Variants in PCYOX1 observed in about 807,000 individuals in gnomAD.
The protein encoded by PCYOX1 is prenylcysteine lyase.
A neutral mutation model predicts 46.4 loss-of-function variants in PCYOX1; 46 were observed. The observed-to-expected ratio is 0.99, with a 90% CI of 0.78 to 1.27. The LOEUF (loss-of-function observed/expected upper bound fraction) is 1.27. Ranked by LOEUF, PCYOX1 falls within the 50% of genes most tolerant of loss-of-function variation. The pLI is 0.00. For synonymous variants in PCYOX1, 220 were observed against 231.8 expected, an observed-to-expected ratio of 0.95 and a Z score of 0.46; for missense variants, 658 against 628.3, an observed-to-expected ratio of 1.05 and a Z score of -0.51.
chr2:70,265,398 C>T (rs928444652), intron 3 of PCYOX1, among the ~76,000 whole-genome samples: 1 of 151,848 alleles, frequency 6.6e-6, no homozygotes, highest in Non-Finnish European at 1.5e-5. Context: ...GCCATGTTGC[C>T]CAAGCTGATC....
intron 3 of PCYOX1, among the ~76,000 whole-genome samples, chr2:70,273,889 C>T (rs1299432813): frequency 6.6e-6 from 1 of 152,304 alleles, no homozygotes; most frequent in East Asian, 1.9e-4. Flanking sequence ...TTTTATGAGG[C>T]TTCTGGAGAT....
At chr2:70,272,993 C>T (rs1488072540) in intron 3 of PCYOX1, among the ~76,000 whole-genome samples, 1 of 152,132 alleles carries the variant, frequency 6.6e-6, no homozygotes, top group Non-Finnish European at 1.5e-5. Flanking sequence ...CCACCATACC[C>T]AGCAGTGTAT....
rs568363433 is a variant in PCYOX1 at position 70,267,277 on chromosome 2, C to T, written c.494+5891C>T. On this transcript the variant is annotated intron_variant, in intron 3 of 5. Coordinates refer to ENST00000433351, the MANE Select transcript of PCYOX1 (RefSeq NM_016297.4). The stretch of plus-strand genomic sequence containing the variant: ...CTCACTTCCTAGACGGGATGACGGC[C>T]GGGAAGAGGCGCTCCTCACTTCCCA... Among the ~76,000 whole-genome samples the T allele has an allele frequency of 1.6e-4, 24 of 149,032 alleles. No homozygotes were observed. The East Asian group carries it at 4.2e-3, about 26-fold the overall frequency.
Position 70,258,200 on chromosome 2 carries a change from G to T in PCYOX1, c.36G>T (p.Leu12=). ...GRVVAELVSS[L]LGLWLLLCSC... ...TCGTCGCGGAGCTCGTCTCCTCGCT[G>T]CTGGGGTTGTGGCTGTTGCTGTGCA... is the stretch of plus-strand genomic sequence containing the variant. The change falls in exon 1 of 6, where the codon CTG becomes CTT. Residue 12 remains leucine (L), a synonymous_variant. Coordinates refer to ENST00000433351, the MANE Select transcript of PCYOX1 (RefSeq NM_016297.4). The T allele has an allele frequency of 1.3e-6, 2 of 1,599,626 alleles. No individual in the cohort carries two copies. The highest frequency in any genetic ancestry group is 2.3e-5 in the East Asian group (1 of 43,884).
At chr2:70,274,386 C>A (rs555768825) in intron 3 of PCYOX1, among the ~76,000 whole-genome samples, 1 of 150,966 alleles carries the variant, frequency 6.6e-6, no homozygotes, top group Non-Finnish European at 1.5e-5. Context: ...TTAGTAGAGA[C>A]GGGGTTTCAC....
chr2:70,267,695 A>G (rs1451902535), intron 3 of PCYOX1, among the ~76,000 whole-genome samples: 2 of 151,016 alleles, frequency 1.3e-5, no homozygotes, highest in African/African-American at 4.9e-5. Context: ...AGGCTGAAGC[A>G]GGAGAATCAG....
intron 3 of PCYOX1, among the ~76,000 whole-genome samples, chr2:70,261,838 G>A (rs568057233): frequency 8.6e-5 from 13 of 150,464 alleles, no homozygotes; most frequent in Non-Finnish European, 1.8e-4. Flanking sequence ...TTGTGTATAT[G>A]AATTGAGATA....
intron 3 of PCYOX1, 33 bp downstream of exon 3, chr2:70,261,419 C>A (rs974722893): frequency 1.8e-5 from 25 of 1,422,568 alleles, no homozygotes; most frequent in Non-Finnish European, 2.2e-5. Flanking sequence ...AACCTAAGAT[C>A]TTTTAATTTA....
At position 70,277,045 on chromosome 2, in the gene PCYOX1, GAA is replaced by G. The variant is rs747599132; in HGVS notation, c.1174_1175del (p.Lys392GlyfsTer4). ...NSIGIVPSVR[E>X]KEDPEPSTDG... is the part of the protein sequence containing the mutation. ...TATTGGGATTGTGCCCTCTGTGAGA[GAA>G]AAGGAAGATCCTGAGCCATCAACAG... On this transcript the variant is annotated frameshift_variant, in exon 6 of 6. Coordinates refer to ENST00000433351, the MANE Select transcript of PCYOX1 (RefSeq NM_016297.4). LOFTEE classifies it high-confidence loss of function. The G allele has an allele frequency of 1.2e-6, 2 of 1,613,840 alleles. No homozygotes were observed. The highest frequency in any genetic ancestry group is 1.7e-6 in the Non-Finnish European group (2 of 1,179,706).
chr2:70,268,516 A>G (rs1235944091), intron 3 of PCYOX1, among the ~76,000 whole-genome samples: 2 of 152,132 alleles, frequency 1.3e-5, no homozygotes, highest in Non-Finnish European at 2.9e-5. Flanking sequence ...CGTAGACCCT[A>G]AAACAATTTG....
In PCYOX1 at chr2:70,276,098, TAAA is replaced by T. The variant is rs568163191; in HGVS notation, c.859+454_859+456del. On this transcript the variant is annotated intron_variant, in intron 5 of 5. Coordinates refer to ENST00000433351, the MANE Select transcript of PCYOX1 (RefSeq NM_016297.4). ...CTGGGTGACGGAGTGAGACTCCATC[TAAA>T]AAAAAAAAAAAAAAAAAAAAATTCC... Among the ~76,000 whole-genome samples the T allele has an allele frequency of 1.2e-3, 125 of 105,432 alleles. 1 individual carries two copies. Among genetic ancestry groups the T allele is most frequent in the South Asian group, 5.0e-3 (17 of 3,376 alleles). The allele number at this position is 105,432 out of a possible 152,430, so 69.2% of individuals were successfully genotyped here.
At chr2:70,270,468 C>A (rs1696586731) in intron 3 of PCYOX1, among the ~76,000 whole-genome samples, 1 of 152,204 alleles carries the variant, frequency 6.6e-6, no homozygotes, top group Non-Finnish European at 1.5e-5. Flanking sequence ...TCCCCAGTAA[C>A]ATTTCTGGCT....
At chr2:70,274,389 G>A (rs1297592412) in intron 3 of PCYOX1, among the ~76,000 whole-genome samples, 1 of 151,346 alleles carries the variant, frequency 6.6e-6, no homozygotes, top group Admixed American at 6.6e-5. Context: ...GTAGAGACGG[G>A]GTTTCACCAT....
At chr2:70,261,409 A>G in intron 3 of PCYOX1, 23 bp downstream of exon 3, 1 of 1,504,476 alleles carries the variant, frequency 6.6e-7, no homozygotes, top group East Asian at 2.3e-5. Flanking sequence ...CCTTCCATTT[A>G]ACCTAAGATC....
chr2:70,261,234 T>C lies in PCYOX1; in HGVS notation c.342T>C (p.Ser114=). 6.2e-7 allele frequency: 1 copy of C among 1,609,824 alleles called. No homozygotes were observed. Among genetic ancestry groups the C allele is most frequent in the Non-Finnish European group, 8.5e-7 (1 of 1,176,060 alleles). ...CAGGTCTCTCTGCTGTTCAGGCCTC[T>C]GGTGGCCTACTGGGGATATATAATG... The part of the protein sequence containing the change: ...KDLGLSAVQA[S]GGLLGIYNGE... Residue 114 remains serine (S), a synonymous_variant, in exon 3 of 6, where the codon TCT becomes TCC. Coordinates refer to ENST00000433351, the MANE Select transcript of PCYOX1 (RefSeq NM_016297.4).
intron 3 of PCYOX1, among the ~76,000 whole-genome samples, chr2:70,264,008 G>A (rs1183935972): frequency 3.3e-4 from 49 of 148,464 alleles, no homozygotes; most frequent in Non-Finnish European, 2.2e-4. Context: ...TGTCACCCAG[G>A]CTGGAGTGCA....
chr2:70,275,414 A>G, intron 4 of PCYOX1, 100 bp from the exon 5 acceptor site: 1 of 1,243,582 alleles, frequency 8.0e-7, no homozygotes, highest in Non-Finnish European at 1.2e-6. Context: ...AGCAATGTCT[A>G]GAGACATTTG....
chr2:70,269,305 C>T (rs192114376), intron 3 of PCYOX1, among the ~76,000 whole-genome samples: 25 of 148,758 alleles, frequency 1.7e-4, no homozygotes, highest in African/African-American at 5.7e-4. Context: ...GTGGCTGGGA[C>T]TACAGATGTG....
chr2:70,271,558 G>A (rs1376095602), intron 3 of PCYOX1, among the ~76,000 whole-genome samples: 7 of 151,954 alleles, frequency 4.6e-5, no homozygotes, highest in Non-Finnish European at 8.8e-5. Context: ...AAAAAACTCA[G>A]CGATAATTTA....
Sources: gnomAD v4.1 joint callset for allele counts (sites outside exome capture counted in the v4.1 genomes callset) on GRCh38, gnomAD v4.1.1 for gene constraint, MANE v1.5 for transcripts, NCBI Gene and HGNC (gene_info 2026-07-23, HGNC 2026-07-21) for gene names.